SLC25A26: variants seen among roughly 807,000 people sequenced by gnomAD.
SLC25A26 encodes mitochondrial S-adenosylmethionine carrier protein.
In SLC25A26, 36 loss-of-function variants were observed where a neutral mutation model predicts 37.8. That is an observed-to-expected ratio of 0.95 (90% CI 0.73 to 1.26). The LOEUF is 1.26. Among genes scored for constraint, SLC25A26 ranks in the 50% most tolerant of loss-of-function variants. The pLI is 0.00. For missense variants in SLC25A26, 390 were observed against 331.1 expected (o/e 1.18, Z -1.38); for synonymous variants, 129 against 122.5 (o/e 1.05, Z -0.35).
At chr3:66,371,318 C>T (rs1371867087) in intron 9 of SLC25A26, 1 of 1,549,646 alleles carries the variant, frequency 6.5e-7, no homozygotes, top group Non-Finnish European at 8.7e-7. Flanking sequence ...CCTCCTCATC[C>T]TGATGCCGAG....
intron 5 of SLC25A26, among the ~76,000 whole-genome samples, chr3:66,340,245 A>G (rs1022364472): frequency 6.6e-6 from 1 of 151,932 alleles, no homozygotes; most frequent in Admixed American, 6.6e-5. Context: ...AGTTTTGTTC[A>G]TTGTAGCTAC....
At chr3:66,152,026 T>A (rs2070216583) in intron 1 of SLC25A26, among the ~76,000 whole-genome samples, 1 of 152,208 alleles carries the variant, frequency 6.6e-6, no homozygotes, top group South Asian at 2.1e-4. Flanking sequence ...GGGCATCTAA[T>A]CAAATTAGGG....
Position 66,279,960 on chromosome 3 carries a change from T to C in SLC25A26, c.453+16581T>C, listed in dbSNP as rs202218035. On this transcript the variant is annotated intron_variant, in intron 5 of 9. Coordinates refer to ENST00000354883, the MANE Select transcript of SLC25A26 (RefSeq NM_001379210.1). ...GTAAATGACAAACATGTCATTTACC[T>C]GGTAGAGGATACCAATAGTATCTGT... Among the ~76,000 whole-genome samples, 34 of 152,326 alleles carry C rather than the reference T, an allele frequency of 2.2e-4. No individual in the cohort carries two copies. The East Asian group carries it at 6.0e-3, about 27-fold the overall frequency.
At chr3:66,176,833 G>A (rs1252719428) in intron 1 of SLC25A26, among the ~76,000 whole-genome samples, 3 of 152,196 alleles carry the variant, frequency 2.0e-5, no homozygotes, top group Non-Finnish European at 4.4e-5. Flanking sequence ...GGGAAGGGGT[G>A]AAAGGTGGTG....
At chr3:66,154,819 G>A (rs913005258) in intron 1 of SLC25A26, among the ~76,000 whole-genome samples, 7 of 152,140 alleles carry the variant, frequency 4.6e-5, no homozygotes, top group Non-Finnish European at 8.8e-5. Flanking sequence ...TAACCCTGGC[G>A]AGGCCTAGTT....
At chr3:66,320,001 C>G (rs1008615048) in intron 5 of SLC25A26, among the ~76,000 whole-genome samples, 22 of 152,044 alleles carry the variant, frequency 1.4e-4, no homozygotes, top group African/African-American at 4.6e-4. Context: ...CTGCCTTAGC[C>G]TCCCAAAGTG....
chr3:66,331,796 C>G (rs1048943477), intron 5 of SLC25A26, among the ~76,000 whole-genome samples: 3 of 152,182 alleles, frequency 2.0e-5, no homozygotes, highest in African/African-American at 7.2e-5. Context: ...ACTTTCCCCA[C>G]CAACTTGTCT....
intron 1 of SLC25A26, among the ~76,000 whole-genome samples, chr3:66,197,129 A>G (rs1048385896): frequency 6.6e-6 from 1 of 152,168 alleles, no homozygotes; most frequent in Admixed American, 6.6e-5. Context: ...TTCATTTGAG[A>G]GTAATGTGTA....
chr3:66,347,937 G>A (rs1295691933), intron 6 of SLC25A26, among the ~76,000 whole-genome samples: 1 of 152,206 alleles, frequency 6.6e-6, no homozygotes, highest in Non-Finnish European at 1.5e-5. Context: ...AGAATACATG[G>A]ACACAGAAGA....
intron 1 of SLC25A26, among the ~76,000 whole-genome samples, chr3:66,159,321 A>G (rs1178449924): frequency 6.6e-6 from 1 of 152,206 alleles, no homozygotes; most frequent in African/African-American, 2.4e-5. Context: ...TAATGAAGAA[A>G]GGGGTGATAT....
At chr3:66,200,003 A>G (rs1265621529) in intron 1 of SLC25A26, among the ~76,000 whole-genome samples, 1 of 152,208 alleles carries the variant, frequency 6.6e-6, no homozygotes, top group African/African-American at 2.4e-5. Flanking sequence ...ATATGAAAAT[A>G]ATTTTCAGAA....
chr3:66,224,147 T>G (rs926583044), intron 1 of SLC25A26, among the ~76,000 whole-genome samples: 2 of 152,244 alleles, frequency 1.3e-5, no homozygotes, highest in Non-Finnish European at 2.9e-5. Flanking sequence ...AAAGCTATGT[T>G]AAAACCTATT....
chr3:66,189,833 T>A lies in SLC25A26; in HGVS notation c.-353-30909T>A, dbSNP rs1027965562. On this transcript the variant is annotated intron_variant, in intron 1 of 10. Coordinates refer to the SLC25A26 transcript ENST00000676754. The stretch of plus-strand genomic sequence containing the variant: ...TGCACCACCACTCCTAGGTAATTAA[T>A]TTTTTTTTTTAAATAGAGACAAGGT... Among the ~76,000 whole-genome samples, 229 of 105,742 alleles carry A rather than the reference T, an allele frequency of 2.2e-3. 1 individual carries two copies. The highest frequency in any genetic ancestry group is 0.012 in the African/African-American group (218 of 18,424). The allele number at this position is 105,742 out of a possible 152,430, so 69.4% of individuals were successfully genotyped here.
chr3:66,228,615 C>T (rs1387835800), intron 1 of SLC25A26, among the ~76,000 whole-genome samples: 1 of 152,162 alleles, frequency 6.6e-6, no homozygotes, highest in Admixed American at 6.5e-5. Context: ...GGTCCCCCAC[C>T]TTCAGGGATT....
intron 1 of SLC25A26, among the ~76,000 whole-genome samples, chr3:66,150,646 A>G (rs1244235606): frequency 1.1e-5 from 1 of 92,896 alleles, no homozygotes; most frequent in African/African-American, 4.3e-5. Flanking sequence ...ATATATATAT[A>G]TATATATATC....
At chr3:66,163,695 T>C (rs2106717038) in intron 1 of SLC25A26, among the ~76,000 whole-genome samples, 1 of 152,318 alleles carries the variant, frequency 6.6e-6, no homozygotes, top group South Asian at 2.1e-4. Context: ...TCACTGTCTT[T>C]ATAGTTCTGT....
intron 1 of SLC25A26, among the ~76,000 whole-genome samples, chr3:66,230,744 G>A (rs1349417707): frequency 1.4e-5 from 2 of 142,016 alleles, no homozygotes; most frequent in African/African-American, 5.2e-5. Flanking sequence ...GGTGAAGGTT[G>A]CAGTGAGCCG....
chr3:66,181,404 T>A (rs2106758312), intron 1 of SLC25A26, among the ~76,000 whole-genome samples: 1 of 152,270 alleles, frequency 6.6e-6, no homozygotes, highest in African/African-American at 2.4e-5. Context: ...ATCTGCAAGA[T>A]TGTTGTGAGG....
chr3:66,260,588 G>A (rs912729696), intron 3 of SLC25A26, among the ~76,000 whole-genome samples: 6 of 152,164 alleles, frequency 3.9e-5, no homozygotes, highest in Admixed American at 6.5e-5. Context: ...CAATATGCCC[G>A]TGTTAGCTGA....
Sources: gnomAD v4.1 joint callset for allele counts (sites outside exome capture counted in the v4.1 genomes callset) on GRCh38, gnomAD v4.1.1 for gene constraint, MANE v1.5 for transcripts, NCBI Gene and HGNC (gene_info 2026-07-23, HGNC 2026-07-21) for gene names.